The following MRTFB variants were observed in gnomAD, a reference collection of about 807,000 sequenced individuals.
MRTFB encodes myocardin related transcription factor B.
In MRTFB, 29 loss-of-function variants were observed where a neutral mutation model predicts 104.2. That is an observed-to-expected ratio of 0.28 (90% CI 0.21 to 0.38). The LOEUF is 0.38. Among genes scored for constraint, MRTFB ranks in the 10% least tolerant of loss-of-function variants. The pLI is 1.00. For missense variants in MRTFB, 1,270 were observed against 1,341.6 expected, an observed-to-expected ratio of 0.95 and a Z score of 0.83; for synonymous variants, 535 against 519.5, an observed-to-expected ratio of 1.03 and a Z score of -0.41.
Position 14,263,571 on chromosome 16 carries a change from T to C in MRTFB, c.*2127T>C, listed in dbSNP as rs2043847542. The C allele has an allele frequency of 6.6e-6, 1 of 152,204 alleles. No individual in the cohort carries two copies. The highest frequency in any genetic ancestry group is 2.1e-4 in the South Asian group (1 of 4,828). The allele number at this position is 152,204 out of a possible 1,614,324, so 9.4% of individuals were successfully genotyped here. A position where few individuals can be genotyped will look rare whatever the true frequency, so the allele number is the denominator to read the frequency against. On this transcript the variant is annotated 3_prime_UTR_variant, in exon 17 of 17. Transcript: ENST00000571589. Reference sequence around the variant, plus strand: ...ACCATTGACTCTCGTTGAATAACTTTATATTTCCATAATCCTGAATTGTGT... The same window carrying C: ...ACCATTGACTCTCGTTGAATAACTTCATATTTCCATAATCCTGAATTGTGT...
the MRTFB span, among the ~76,000 whole-genome samples, chr16:14,046,032 T>G: frequency 6.6e-6 from 1 of 152,184 alleles, no homozygotes; most frequent in Non-Finnish European, 1.5e-5. Flanking sequence ...AATTTGGGGC[T>G]GGCGTCTACT....
chr16:14,107,164 AG>A (rs1455642106), intron 2 of MRTFB, among the ~76,000 whole-genome samples: 1 of 152,220 alleles, frequency 6.6e-6, no homozygotes, highest in Non-Finnish European at 1.5e-5. Context: ...TGAACCTGAG[AG>A]GTGGAGATTA....
intron 2 of MRTFB, among the ~76,000 whole-genome samples, chr16:14,091,338 G>GAT (rs2035053534): frequency 6.6e-6 from 1 of 152,180 alleles, no homozygotes; most frequent in South Asian, 2.1e-4. Flanking sequence ...GATTCCTAGA[G>GAT]AAGGTTGCAA....
Position 14,172,234 on chromosome 16 carries a change from C to G in MRTFB, c.154+31474C>G, listed in dbSNP as rs1052431965. Among the ~76,000 whole-genome samples, 9 of 152,236 alleles carry G rather than the reference C, an allele frequency of 5.9e-5. No individual in the cohort carries two copies. In the South Asian group the frequency reaches 1.5e-3, roughly 25 times the overall value. On this transcript the variant is annotated intron_variant, in intron 3 of 16. Transcript: ENST00000571589. ...TGTCCTTCCTTCCCCGCCTCCCCCC[C>G]ACAAACAAGCAGCTATATTTTATTT...
intron 2 of MRTFB, among the ~76,000 whole-genome samples, chr16:14,103,150 C>A (rs1168080420): frequency 1.3e-5 from 2 of 152,130 alleles, no homozygotes; most frequent in Admixed American, 6.5e-5. Flanking sequence ...CAGCACTTTG[C>A]TCTCATCTAA....
rs1179436048 is a variant in MRTFB, at chr16:14,261,312, G to C, written c.3168G>C (p.Leu1056Phe). 1 of 1,614,124 alleles carries C rather than the reference G, an allele frequency of 6.2e-7. No individual in the cohort carries two copies. The highest frequency in any genetic ancestry group is 8.5e-7 in the Non-Finnish European group (1 of 1,180,024). The change falls in exon 17 of 17, where the codon TTG (leucine) becomes TTC (phenylalanine). Residue 1056 changes from leucine to phenylalanine, a missense_variant. Leu to Phe is a conservative substitution (Grantham distance 22). Around this residue, in one of 3 missense-constraint regions of MRTFB, gnomAD observed 1,144 missense variants for 1,131.5 expected, o/e 1.01. Transcript: ENST00000571589. ...CTCTCGACCTGTCAGACTCAAACTT[G>C]GACAACATGGAGTGGTTGGACATTA... Reference protein sequence around the residue: ...CLSLDLSDSNLDNMEWLDITM... With the variant: ...CLSLDLSDSNFDNMEWLDITM...
rs1227652235 is a variant in MRTFB, at chr16:14,246,913, C to T, written c.1653C>T (p.Asp551=). The change falls in exon 12 of 17, where the codon GAC becomes GAT. Residue 551 remains aspartate (D), a synonymous_variant. Coordinates refer to ENST00000571589, the MANE Select transcript of MRTFB (RefSeq NM_001308142.2). Reference sequence around the variant, plus strand: ...CTTTGAGAATGACAAATAATGAAGACAGTCTGAGTCCCACCAGCAGCACTC... The same window carrying T: ...CTTTGAGAATGACAAATAATGAAGATAGTCTGAGTCCCACCAGCAGCACTC... ...SSPLRMTNNE[D]SLSPTSSTLS... is the part of the protein sequence containing the mutation. 1.9e-6 allele frequency: 3 copies of T among 1,613,734 alleles called. No individual in the cohort carries two copies. Among genetic ancestry groups the T allele is most frequent in the Non-Finnish European group, 2.5e-6 (3 of 1,180,028 alleles).
intron 9 of MRTFB, among the ~76,000 whole-genome samples, chr16:14,238,422 G>T (rs2042618002): frequency 6.6e-6 from 1 of 152,138 alleles, no homozygotes; most frequent in African/African-American, 2.4e-5. Context: ...AAGGATTGTA[G>T]GTCTCAGTGG....
At chr16:14,235,878 A>G (rs924000943) in intron 9 of MRTFB, among the ~76,000 whole-genome samples, 1 of 152,208 alleles carries the variant, frequency 6.6e-6, no homozygotes, top group African/African-American at 2.4e-5. Context: ...TCAGTTTTAA[A>G]AGACTAAAAA....
the MRTFB span, among the ~76,000 whole-genome samples, chr16:14,014,080 T>C: frequency 2.0e-5 from 3 of 152,214 alleles, no homozygotes; most frequent in Admixed American, 2.0e-4. Context: ...CCCATGTCTA[T>C]TCCCCATGCC....
chr16:14,202,704 G>A (rs966209315), intron 3 of MRTFB, among the ~76,000 whole-genome samples: 2 of 152,192 alleles, frequency 1.3e-5, no homozygotes, highest in African/African-American at 4.8e-5. Flanking sequence ...GAAAGGAAAA[G>A]TAGTTCATCA....
At chr16:14,250,651 A>C (rs957459334) in intron 13 of MRTFB, among the ~76,000 whole-genome samples, 4 of 152,350 alleles carry the variant, frequency 2.6e-5, no homozygotes, top group Non-Finnish European at 2.9e-5. Context: ...ATGCCAGCCA[A>C]AGATTAGGGT....
chr16:14,019,136 C>T, the MRTFB span: 5 of 152,276 alleles, frequency 3.3e-5, no homozygotes, highest in Admixed American at 2.6e-4. Flanking sequence ...CATAAAGTCT[C>T]AAGAACAGGA....
At chr16:14,114,645 C>T (rs1444919887) in intron 2 of MRTFB, among the ~76,000 whole-genome samples, 6 of 152,174 alleles carry the variant, frequency 3.9e-5, no homozygotes, top group Non-Finnish European at 5.9e-5. Context: ...TGCTTCAGTT[C>T]AGTTTCTTCC....
the MRTFB span, among the ~76,000 whole-genome samples, chr16:14,047,117 A>C: frequency 6.6e-6 from 1 of 152,244 alleles, no homozygotes; most frequent in Non-Finnish European, 1.5e-5. Flanking sequence ...ATGAAAAACA[A>C]ACGGGAAATT....
chr16:14,008,016 T>A, the MRTFB span, among the ~76,000 whole-genome samples: 1 of 152,166 alleles, frequency 6.6e-6, no homozygotes, highest in Admixed American at 6.5e-5. Flanking sequence ...TTTCTCTCAT[T>A]CTGTGGGTTG....
chr16:14,091,994 C>CAAAAA, intron 2 of MRTFB, among the ~76,000 whole-genome samples: 1 of 82,170 alleles, frequency 1.2e-5, no homozygotes, highest in Non-Finnish European at 2.8e-5. Flanking sequence ...GACTTCATCT[C>CAAAAA]AAAAAAAAAA....
chr16:14,046,135 T>C, the MRTFB span, among the ~76,000 whole-genome samples: 1 of 152,138 alleles, frequency 6.6e-6, no homozygotes, highest in Non-Finnish European at 1.5e-5. Flanking sequence ...ACTGTTTCTC[T>C]GTCAGATCCC....
chr16:14,000,028 G>T, the MRTFB span, among the ~76,000 whole-genome samples: 1 of 152,152 alleles, frequency 6.6e-6, no homozygotes, highest in African/African-American at 2.4e-5. Flanking sequence ...GACTCTCATG[G>T]AAAGGCAGAG....
Sources: gnomAD v4.1 joint callset for allele counts (sites outside exome capture counted in the v4.1 genomes callset) on GRCh38, gnomAD v4.1.1 for gene constraint, gnomAD v4.1.1 regional missense constraint, MANE v1.5 for transcripts, NCBI Gene and HGNC (gene_info 2026-07-23, HGNC 2026-07-21) for gene names.